Variants in ASTN2 observed in about 807,000 individuals in gnomAD.
ASTN2 encodes the protein astrotactin-2.
In ASTN2, 54 loss-of-function variants were observed where a neutral mutation model predicts 139.8. That is an observed-to-expected ratio of 0.39 (90% CI 0.31 to 0.48). ASTN2 has a LOEUF of 0.48. Among genes scored for constraint, ASTN2 ranks in the 20% least tolerant of loss-of-function variants. The probability of loss-of-function intolerance (pLI) is 0.95; values close to 1 mark genes in which losing one functional copy is unlikely to be tolerated. For missense variants in ASTN2, 1,565 were observed against 1,725.1 expected, an observed-to-expected ratio of 0.91 and a Z score of 1.64; for synonymous variants, 756 against 719.5, an observed-to-expected ratio of 1.05 and a Z score of -0.81.
chr9:116,730,262 C>A (rs529296015), intron 14 of ASTN2, among the ~76,000 whole-genome samples: 5 of 152,184 alleles, frequency 3.3e-5, no homozygotes, highest in Admixed American at 2.6e-4. Flanking sequence ...TATTTGATAC[C>A]AAGATTAAAA....
At chr9:116,555,945 A>G (rs1852592996) in intron 19 of ASTN2, among the ~76,000 whole-genome samples, 1 of 152,138 alleles carries the variant, frequency 6.6e-6, no homozygotes, top group Non-Finnish European at 1.5e-5. Flanking sequence ...TGCATGCATC[A>G]TCAACTCACA....
At chr9:116,712,744 G>A (rs553313185) in intron 16 of ASTN2, among the ~76,000 whole-genome samples, 10 of 152,234 alleles carry the variant, frequency 6.6e-5, no homozygotes, top group African/African-American at 1.7e-4. Context: ...GACTCAACCC[G>A]AACTTTGTTT....
intron 13 of ASTN2, among the ~76,000 whole-genome samples, chr9:116,756,223 C>T (rs1197868587): frequency 6.6e-6 from 1 of 152,116 alleles, no homozygotes; most frequent in East Asian, 1.9e-4. Flanking sequence ...GAGTAGCATG[C>T]TTATTTAAGC....
intron 14 of ASTN2, among the ~76,000 whole-genome samples, chr9:116,730,766 T>C (rs886333120): frequency 3.3e-5 from 5 of 152,202 alleles, no homozygotes; most frequent in African/African-American, 1.2e-4. Flanking sequence ...TTTCACTTGG[T>C]GGCATGATGT....
chr9:116,579,261 C>T (rs144746154), intron 19 of ASTN2, among the ~76,000 whole-genome samples: 23 of 152,260 alleles, frequency 1.5e-4, no homozygotes, highest in African/African-American at 3.6e-4. Flanking sequence ...CAGGAAGATA[C>T]GATCCAAACA....
chr9:117,060,882 G>A (rs573567003), intron 5 of ASTN2, among the ~76,000 whole-genome samples: 3 of 151,946 alleles, frequency 2.0e-5, no homozygotes, highest in South Asian at 4.2e-4. Context: ...GTGACAGAGC[G>A]AGAGTCCGTC....
At chr9:117,025,827 T>A (rs1245885090) in intron 6 of ASTN2, among the ~76,000 whole-genome samples, 1 of 151,578 alleles carries the variant, frequency 6.6e-6, no homozygotes, top group African/African-American at 2.4e-5. Flanking sequence ...AGTCTCGCTC[T>A]GTTGCCCAGG....
At chr9:116,851,319 G>T (rs1832594803) in intron 11 of ASTN2, among the ~76,000 whole-genome samples, 1 of 152,172 alleles carries the variant, frequency 6.6e-6, no homozygotes, top group East Asian at 1.9e-4. Flanking sequence ...GGCATGGTGG[G>T]TGTGTTGGGG....
chr9:116,481,997 C>T (rs1357111876), intron 20 of ASTN2, among the ~76,000 whole-genome samples: 1 of 152,172 alleles, frequency 6.6e-6, no homozygotes, highest in African/African-American at 2.4e-5. Context: ...CCCTTAAGCT[C>T]TAGCTTTCCC....
intron 4 of ASTN2, among the ~76,000 whole-genome samples, chr9:117,134,832 G>A (rs1829912598): frequency 6.6e-6 from 1 of 152,116 alleles, no homozygotes; most frequent in Admixed American, 6.5e-5. Context: ...GATCTAGTTG[G>A]CATATACCAC....
intron 1 of ASTN2, among the ~76,000 whole-genome samples, chr9:117,353,246 C>T (rs1223688200): frequency 1.3e-5 from 2 of 152,134 alleles, no homozygotes; most frequent in Non-Finnish European, 2.9e-5. Context: ...TGAGACCTCA[C>T]TCTGGCTCCA....
chr9:116,618,492 AG>A lies in ASTN2; in HGVS notation c.3207-21del. 6.3e-7 allele frequency: 1 copy of A among 1,589,990 alleles called. No homozygotes were observed. Among genetic ancestry groups the A allele is most frequent in the South Asian group, 1.2e-5 (1 of 86,774 alleles). On this transcript the variant is annotated intron_variant, in intron 18 of 22. Coordinates refer to ENST00000313400, the MANE Select transcript of ASTN2 (RefSeq NM_001365068.1). ...CGCAGCCTACAGGGAATAAAAAGGA[AG>A]ATTCGTGTTTGGCAGCCAGCACCAG...
intron 6 of ASTN2, among the ~76,000 whole-genome samples, chr9:117,024,304 T>C (rs1296582867): frequency 6.6e-6 from 1 of 152,190 alleles, no homozygotes; most frequent in Non-Finnish European, 1.5e-5. Context: ...TACCTCATTG[T>C]CAAATCTTGT....
chr9:116,477,356 C>G (rs1363717035), intron 20 of ASTN2, among the ~76,000 whole-genome samples: 1 of 151,990 alleles, frequency 6.6e-6, no homozygotes, highest in Non-Finnish European at 1.5e-5. Flanking sequence ...ATTGAGTCGC[C>G]AGGCTGCCGT....
At chr9:116,912,837 T>C (rs1834353437) in intron 10 of ASTN2, among the ~76,000 whole-genome samples, 1 of 152,134 alleles carries the variant, frequency 6.6e-6, no homozygotes, top group Non-Finnish European at 1.5e-5. Context: ...AACTTCATAC[T>C]GTATTAGGTT....
At chr9:117,268,554 C>T (rs1833988296) in intron 2 of ASTN2, among the ~76,000 whole-genome samples, 1 of 152,124 alleles carries the variant, frequency 6.6e-6, no homozygotes, top group Admixed American at 6.5e-5. Flanking sequence ...ATCTTGTATT[C>T]CCTGAATACA....
At chr9:116,568,337 G>A (rs1469321625) in intron 19 of ASTN2, 1 of 152,116 alleles carries the variant, frequency 6.6e-6, no homozygotes, top group East Asian at 1.9e-4. Context: ...AAGAGTTTTG[G>A]ATATTTTTTT....
At chr9:116,860,677 T>A (rs547381602) in intron 11 of ASTN2, among the ~76,000 whole-genome samples, 39 of 152,284 alleles carry the variant, frequency 2.6e-4, no homozygotes, top group Admixed American at 2.3e-3. Flanking sequence ...GAAGGACTGA[T>A]AGTGAGACAT....
chr9:117,107,334 G>T (rs925060335), intron 4 of ASTN2, among the ~76,000 whole-genome samples: 1 of 152,094 alleles, frequency 6.6e-6, no homozygotes, highest in African/African-American at 2.4e-5. Context: ...TGTTGAAAGA[G>T]AAATTGATGG....
Sources: allele counts gnomAD v4.1 joint callset (sites outside exome capture counted in the v4.1 genomes callset), GRCh38; gene constraint gnomAD v4.1.1; transcripts MANE v1.5; gene names NCBI Gene and HGNC (gene_info 2026-07-23, HGNC 2026-07-21).